The following CPSF4 variants were observed in gnomAD, a reference collection of about 807,000 sequenced individuals.
CPSF4 encodes cleavage and polyadenylation specific factor 4, also known as cleavage and polyadenylation specificity factor subunit 4.
A neutral mutation model predicts 37.7 loss-of-function variants in CPSF4; 11 were observed. The observed-to-expected ratio is 0.29, with a 90% CI of 0.18 to 0.48. The LOEUF (loss-of-function observed/expected upper bound fraction) is 0.48. Among genes scored for constraint, CPSF4 ranks in the 20% least tolerant of loss-of-function variants. The probability of loss-of-function intolerance (pLI) is 0.99; values close to 1 mark genes in which losing one functional copy is unlikely to be tolerated. For missense variants in CPSF4, 144 were observed against 359.5 expected, an observed-to-expected ratio of 0.40 and a Z score of 4.85; for synonymous variants, 132 against 135.9, an observed-to-expected ratio of 0.97 and a Z score of 0.20.
chr7:99,443,140 C>G (rs762805359), intron 1 of CPSF4: 1 of 800,368 alleles, frequency 1.2e-6, no homozygotes, highest in Non-Finnish European at 2.3e-6. Flanking sequence ...CCAAACCTAG[C>G]TGCCTGAGCA....
Position 99,456,863 on chromosome 7 carries a change from T to C in CPSF4, c.*363T>C, listed in dbSNP as rs1798350218. The C allele has an allele frequency of 2.6e-6, 1 of 381,346 alleles. No homozygotes were observed. Among genetic ancestry groups the C allele is most frequent in the Non-Finnish European group, 5.1e-6 (1 of 197,272 alleles). The allele number at this position is 381,346 out of a possible 1,614,324, so 23.6% of individuals were successfully genotyped here. ...ATTCCCCTCATTAAACACCAGTTCT[T>C]GGTGACGCCAGGGGCTGGTAGGTCA... On this transcript the variant is annotated 3_prime_UTR_variant, in exon 8 of 8. Coordinates refer to ENST00000292476, the MANE Select transcript of CPSF4 (RefSeq NM_006693.4).
chr7:99,456,417 T>G lies in CPSF4; in HGVS notation c.742-15T>G. ...TGTCTGTCTCTCCTCTTCCCCCACTTCCTGCTGTTCCCAGTGTGGCGAGAA... is the reference window on the plus strand; with the variant it reads ...TGTCTGTCTCTCCTCTTCCCCCACTGCCTGCTGTTCCCAGTGTGGCGAGAA... On this transcript the variant is annotated splice_polypyrimidine_tract_variant and intron_variant, in intron 7 of 7. Coordinates refer to ENST00000292476, the MANE Select transcript of CPSF4 (RefSeq NM_006693.4). The G allele has an allele frequency of 1.2e-6, 2 of 1,613,684 alleles. No homozygotes were observed. The highest frequency in any genetic ancestry group is 1.7e-6 in the Non-Finnish European group (2 of 1,179,594).
Position 99,439,172 on chromosome 7 carries a change from C to A in CPSF4, c.90C>A (p.Phe30Leu). ...AGCTGGGGGCGCAGCCGCTGCCCTT[C>A]CCCGGCATGGACAGTGAGCGCGGGG... ...EQQLGAQPLP[F>L]PGMDKSGAAV... Residue 30 changes from phenylalanine (F) to leucine (L), a missense_variant, in exon 1 of 8, where the codon TTC becomes TTA. By Grantham distance (22) the Phe-to-Leu change is conservative (BLOSUM62 0). This residue lies in a region of CPSF4 where 42 missense variants were observed against 86.4 expected (regional missense o/e 0.49). Transcript: ENST00000292476. 1 of 1,606,816 alleles carries A rather than the reference C, an allele frequency of 6.2e-7. No homozygotes were observed. Among genetic ancestry groups the A allele is most frequent in the Non-Finnish European group, 8.5e-7 (1 of 1,178,428 alleles).
rs545009584 is a variant in CPSF4 at position 99,438,953 on chromosome 7, GGGC to G, written c.-110_-108del. On this transcript the variant is annotated 5_prime_UTR_variant, in exon 1 of 8. Transcript: ENST00000292476. Reference sequence around the variant, plus strand: ...GCTCCGGGCGCTCCCGGCATCCCTCGGGCGGCGGCGGCGGCGGCGGCGAGGCGA... The same window carrying G: ...GCTCCGGGCGCTCCCGGCATCCCTCGGGCGGCGGCGGCGGCGGCGAGGCGA... The G allele has an allele frequency of 1.3e-3, 1,709 of 1,343,498 alleles. 4 individuals are homozygous for G. Among genetic ancestry groups the G allele is most frequent in the African/African-American group, 0.011 (714 of 63,686 alleles). The allele number at this position is 1,343,498 out of a possible 1,614,324, so 83.2% of individuals were successfully genotyped here.
At chr7:99,443,674 T>C (rs564347057) in intron 1 of CPSF4, among the ~76,000 whole-genome samples, 1 of 152,244 alleles carries the variant, frequency 6.6e-6, no homozygotes, top group South Asian at 2.1e-4. Context: ...ATCCCAGCAC[T>C]TTGGGAGGCC....
intron 5 of CPSF4, chr7:99,451,064 A>C: frequency 3.0e-5 from 11 of 372,504 alleles, no homozygotes; most frequent in East Asian, 4.3e-5. Flanking sequence ...ACAGACAAAC[A>C]TGTAGCCTTG....
chr7:99,441,458 C>A, intron 1 of CPSF4: 1 of 456,278 alleles, frequency 2.2e-6, no homozygotes. Context: ...AGTCGGTAGG[C>A]ACCCTCCACA....
chr7:99,439,426 T>C (rs1796679519), intron 1 of CPSF4: 1 of 436,224 alleles, frequency 2.3e-6, no homozygotes, highest in Non-Finnish European at 4.1e-6. Context: ...GTCCCGAGAC[T>C]CTTCCCACTC....
chr7:99,444,261 A>G (rs1797286111), intron 1 of CPSF4, among the ~76,000 whole-genome samples: 1 of 152,192 alleles, frequency 6.6e-6, no homozygotes, highest in East Asian at 1.9e-4. Context: ...GTTCGAGACC[A>G]GCCTGGCCAA....
At chr7:99,446,089 G>A (rs1288264886) in intron 2 of CPSF4, among the ~76,000 whole-genome samples, 1 of 152,190 alleles carries the variant, frequency 6.6e-6, no homozygotes, top group African/African-American at 2.4e-5. Flanking sequence ...CTATAACGTA[G>A]TCATTTACCA....
chr7:99,443,167 AGCTCACAG>A (rs779867822), intron 1 of CPSF4: 4 of 785,852 alleles, frequency 5.1e-6, no homozygotes, highest in African/African-American at 5.1e-5. Context: ...TTACTCTCCA[AGCTCACAG>A]GTACACTGAA....
In CPSF4 at chr7:99,440,668, A is replaced by ATGTTTT. The variant is rs1263161658; in HGVS notation, c.103+1484_103+1485insGTTTTT. 3.5e-3 allele frequency among the ~76,000 whole-genome samples: 300 copies of ATGTTTT among 84,762 alleles called. 4 individuals carry two copies. Among genetic ancestry groups the ATGTTTT allele is most frequent in the Non-Finnish European group, 4.3e-3 (227 of 52,518 alleles). The allele number at this position is 84,762 out of a possible 152,430, so 55.6% of individuals were successfully genotyped here. ...CACTGCACCTGGCATATATATATAT[A>ATGTTTT]TATATATTTTTTTTTTTTTTTTTTT... On this transcript the variant is annotated intron_variant, in intron 1 of 7. Transcript: ENST00000292476.
chr7:99,455,249 G>T (rs1039201512), intron 7 of CPSF4, among the ~76,000 whole-genome samples: 1 of 152,224 alleles, frequency 6.6e-6, no homozygotes, highest in East Asian at 1.9e-4. Context: ...GACACTTCAT[G>T]TAAGTCCTGG....
At chr7:99,452,236 G>C in intron 5 of CPSF4, 132 bp from the exon 6 acceptor site, 2 of 778,082 alleles carry the variant, frequency 2.6e-6, no homozygotes, top group Non-Finnish European at 4.4e-6. Flanking sequence ...GCTTGTGTCA[G>C]TCACTTTGTG....
rs1442523324 is a variant in CPSF4, at chr7:99,453,033, G to T, written c.570+593G>T. Reference sequence around the variant, plus strand: ...GCTGGTCCGTCCCCTCAAGCACAAGGAGAGGGGGAAATGCTGTAGACACAT... The same window carrying T: ...GCTGGTCCGTCCCCTCAAGCACAAGTAGAGGGGGAAATGCTGTAGACACAT... On this transcript the variant is annotated intron_variant, in intron 6 of 7. Coordinates refer to ENST00000292476, the MANE Select transcript of CPSF4 (RefSeq NM_006693.4). This position sits in a 1 kb window ranked among gnomAD's most constrained non-coding sequence, Gnocchi z 4.7. 1 of 152,578 alleles carries T rather than the reference G, an allele frequency of 6.6e-6. No homozygotes were observed. The highest frequency in any genetic ancestry group is 6.5e-5 in the Admixed American group (1 of 15,302). 9.5% of individuals were successfully genotyped at this position (152,578 alleles called of 1,614,324 possible).
At chr7:99,443,018 T>C (rs1200390313) in intron 1 of CPSF4, 2 of 1,440,958 alleles carry the variant, frequency 1.4e-6, no homozygotes, top group Non-Finnish European at 2.0e-6. Context: ...CTTCAGACTT[T>C]CTGGAAATTG....
At chr7:99,451,001 C>A (rs554675409) in intron 5 of CPSF4, 22 of 557,080 alleles carry the variant, frequency 3.9e-5, no homozygotes, top group Non-Finnish European at 5.5e-5. Context: ...AGACCAGGAG[C>A]TGATCTTTCT....
intron 1 of CPSF4, chr7:99,443,307 T>C (rs986360867): frequency 9.3e-6 from 8 of 862,544 alleles, no homozygotes; most frequent in African/African-American, 1.6e-5. Context: ...TGACAAGGGG[T>C]TTTTTTCTTC....
At chr7:99,447,811 C>T (rs1414113947) in intron 2 of CPSF4, 3 of 472,416 alleles carry the variant, frequency 6.4e-6, no homozygotes, top group East Asian at 6.1e-5. Flanking sequence ...GGATGGTCTC[C>T]GTGCCAGCCA....
Sources: gnomAD v4.1 joint callset for allele counts (sites outside exome capture counted in the v4.1 genomes callset) on GRCh38, gnomAD v4.1.1 for gene constraint, gnomAD v4.1.1 regional missense constraint, Gnocchi (gnomAD v3.1) non-coding constraint, MANE v1.5 for transcripts, NCBI Gene and HGNC (gene_info 2026-07-23, HGNC 2026-07-21) for gene names.